The following CFAP100 variants were observed in gnomAD, a reference collection of about 807,000 sequenced individuals.
CFAP100 encodes the protein cilia and flagella associated protein 100.
Under a neutral mutation model 81.5 loss-of-function variants are expected in CFAP100, and 70 were observed. The observed-to-expected ratio is 0.86, with a 90% confidence interval of 0.71 to 1.05. The LOEUF is 1.05. Among genes scored for constraint, CFAP100 ranks in the 50% least tolerant of loss-of-function variants. CFAP100 has a pLI of 0.00. For synonymous variants in CFAP100, 341 were observed against 314.8 expected (o/e 1.08, Z -0.88); for missense variants, 811 against 776.5 (o/e 1.04, Z -0.53).
At chr3:126,421,933 G>A (rs2083338330) in intron 11 of CFAP100, among the ~76,000 whole-genome samples, 1 of 152,210 alleles carries the variant, frequency 6.6e-6, no homozygotes, top group Admixed American at 6.5e-5. Context: ...TGTATGCAGT[G>A]CAGCCTGCTC....
At chr3:126,416,227 C>CCGCGTCCCCGGCCTCAGGTCCG (rs57702747) in intron 4 of CFAP100, 89 bp from the exon 5 acceptor site, 194,166 of 1,089,720 alleles carry the variant, frequency 0.18, 18,601 homozygotes, top group South Asian at 0.23. Flanking sequence ...GCGCGCAAAC[C>CCGCGTCCCCGGCCTCAGGTCCG]CGCGTCCCTA....
intron 11 of CFAP100, among the ~76,000 whole-genome samples, chr3:126,422,493 C>A (rs1487269452): frequency 2.0e-5 from 3 of 152,196 alleles, no homozygotes; most frequent in Non-Finnish European, 4.4e-5. Flanking sequence ...GCGCAGCCCC[C>A]CCCACCTCAG....
At chr3:126,412,386 G>A (rs2083171918) in intron 3 of CFAP100, among the ~76,000 whole-genome samples, 1 of 152,170 alleles carries the variant, frequency 6.6e-6, no homozygotes, top group Non-Finnish European at 1.5e-5. Flanking sequence ...CATAGAAGGT[G>A]ACACTATCAC....
At chr3:126,432,979 G>C (rs769858615) in intron 13 of CFAP100, 90 bp from the exon 14 acceptor site, 17 of 1,492,662 alleles carry the variant, frequency 1.1e-5, no homozygotes, top group Non-Finnish European at 1.5e-5. Flanking sequence ...AGCTGGTAGG[G>C]GCAAAGCACT....
intron 2 of CFAP100, among the ~76,000 whole-genome samples, chr3:126,402,825 G>T (rs375118971): frequency 1.3e-5 from 2 of 151,204 alleles, no homozygotes; most frequent in Admixed American, 6.6e-5. Flanking sequence ...GTGGTGGGGG[G>T]TGCAGTCCAG....
chr3:126,397,997 G>T (rs556680088), intron 2 of CFAP100, among the ~76,000 whole-genome samples: 32 of 152,366 alleles, frequency 2.1e-4, no homozygotes, highest in Admixed American at 4.6e-4. Flanking sequence ...AGAGACAGGA[G>T]GCCAGCATGG....
At chr3:126,418,800 G>C in intron 7 of CFAP100, 26 bp downstream of exon 7, 1 of 1,549,568 alleles carries the variant, frequency 6.5e-7, no homozygotes, top group East Asian at 2.3e-5. Context: ...CGAGGGGCTG[G>C]CTGGGCAATG....
chr3:126,405,973 T>G (rs1008045095), intron 2 of CFAP100, among the ~76,000 whole-genome samples: 2 of 152,096 alleles, frequency 1.3e-5, no homozygotes, highest in Non-Finnish European at 2.9e-5. Context: ...TTTTGGTTTG[T>G]GTCGTTTGGG....
intron 13 of CFAP100, among the ~76,000 whole-genome samples, chr3:126,429,140 G>C (rs985807363): frequency 1.4e-5 from 2 of 147,576 alleles, no homozygotes; most frequent in Admixed American, 6.7e-5. Flanking sequence ...AAAAAGAAAG[G>C]ATTACTGTTA....
chr3:126,425,607 G>C (rs976109608), intron 13 of CFAP100, among the ~76,000 whole-genome samples: 2 of 152,014 alleles, frequency 1.3e-5, no homozygotes, highest in Non-Finnish European at 2.9e-5. Flanking sequence ...CTAGACAAAG[G>C]CATTACAAGA....
At chr3:126,419,946 G>T (rs111320520) in intron 9 of CFAP100, 34 bp from the exon 10 acceptor site, 1 of 1,612,808 alleles carries the variant, frequency 6.2e-7, no homozygotes, top group Admixed American at 1.7e-5. Context: ...GGCTGCAGCT[G>T]AGGCCATCGG....
chr3:126,400,603 A>T (rs558711297), intron 2 of CFAP100, among the ~76,000 whole-genome samples: 66 of 152,164 alleles, frequency 4.3e-4, no homozygotes, highest in African/African-American at 1.5e-3. Flanking sequence ...AATACAAAAA[A>T]TAACCGGGCA....
intron 4 of CFAP100, 35 bp from the exon 5 acceptor site, chr3:126,416,281 C>G (rs1362900308): frequency 6.5e-7 from 1 of 1,550,186 alleles, no homozygotes; most frequent in African/African-American, 1.4e-5. Flanking sequence ...GGGTGGGGAG[C>G]CTGGGCCCCG....
chr3:126,415,956 C>T (rs1444104634), intron 4 of CFAP100, among the ~76,000 whole-genome samples: 1 of 152,212 alleles, frequency 6.6e-6, no homozygotes, highest in East Asian at 1.9e-4. Flanking sequence ...AACCCCAGAG[C>T]CTCTAGGTTC....
intron 3 of CFAP100, among the ~76,000 whole-genome samples, chr3:126,413,880 A>G (rs1049532209): frequency 3.2e-4 from 49 of 152,254 alleles, no homozygotes; most frequent in African/African-American, 1.1e-3. Context: ...CAGAAGCCCA[A>G]CTTGAACCAG....
At chr3:126,429,841 C>G (rs1933139873) in intron 13 of CFAP100, among the ~76,000 whole-genome samples, 1 of 152,178 alleles carries the variant, frequency 6.6e-6, no homozygotes, top group Admixed American at 6.5e-5. Context: ...TAGCACTTCT[C>G]TAAGGCAAGT....
chr3:126,429,007 G>A (rs1338268422), intron 13 of CFAP100, among the ~76,000 whole-genome samples: 1 of 151,440 alleles, frequency 6.6e-6, no homozygotes, highest in East Asian at 1.9e-4. Context: ...TACTTGGGAG[G>A]CTGAAGCAGG....
intron 11 of CFAP100, chr3:126,420,547 G>C (rs1387738955): frequency 1.5e-5 from 6 of 391,728 alleles, no homozygotes; most frequent in Non-Finnish European, 2.8e-5. Flanking sequence ...CCTGGCCCTG[G>C]GGGGATAGGT....
In CFAP100 at chr3:126,434,256, G is replaced by A. The variant is rs765783456; in HGVS notation, c.1503G>A (p.Leu501=). 2 of 1,614,010 alleles carry A rather than the reference G, an allele frequency of 1.2e-6. No individual in the cohort carries two copies. The highest frequency in any genetic ancestry group is 2.2e-5 in the South Asian group (2 of 91,080). The stretch of plus-strand genomic sequence containing the variant: ...CCGGCACCCAGCAGGAGGCCAACCT[G>A]GGCACCGTGCAGATGCTGACCATCA... ...HCTGTQQEAN[L]GTVQMLTIIE... The change falls in exon 15 of 17, where the codon CTG becomes CTA. Residue 501 remains leucine, a synonymous_variant. Coordinates refer to ENST00000352312, the MANE Select transcript of CFAP100 (RefSeq NM_182628.3).
Sources: gnomAD v4.1 joint callset for allele counts (sites outside exome capture counted in the v4.1 genomes callset) on GRCh38, gnomAD v4.1.1 for gene constraint, MANE v1.5 for transcripts, NCBI Gene and HGNC (gene_info 2026-07-23, HGNC 2026-07-21) for gene names.